Variants in DIS3L2 observed in about 807,000 individuals in gnomAD.
The protein encoded by DIS3L2 is DIS3-like exonuclease 2.
A neutral mutation model predicts 97.5 loss-of-function variants in DIS3L2; 34 were observed. That is an observed-to-expected ratio of 0.35 (90% CI 0.27 to 0.46). The LOEUF (loss-of-function observed/expected upper bound fraction) is 0.46. DIS3L2 is among the 20% of genes least tolerant of loss of function. DIS3L2 has a pLI of 1.00. For synonymous variants in DIS3L2, 435 were observed against 445.2 expected (o/e 0.98, Z 0.29); for missense variants, 1,038 against 1,146.0 (o/e 0.91, Z 1.36).
chr2:232,139,067 A>G (rs1463586311), intron 8 of DIS3L2, among the ~76,000 whole-genome samples: 1 of 152,242 alleles, frequency 6.6e-6, no homozygotes, highest in Non-Finnish European at 1.5e-5. Flanking sequence ...TGTATATATC[A>G]TAGCGATAAT....
intron 11 of DIS3L2, among the ~76,000 whole-genome samples, chr2:232,246,948 T>G (rs1693269220): frequency 5.3e-4 from 1 of 1,902 alleles, no homozygotes; most frequent in African/African-American, 4.2e-3. Flanking sequence ...TCACTAGTTT[T>G]TCCATCAGTG....
chr2:232,137,303 C>A (rs1360135087), intron 8 of DIS3L2, among the ~76,000 whole-genome samples: 1 of 152,196 alleles, frequency 6.6e-6, no homozygotes, highest in African/African-American at 2.4e-5. Flanking sequence ...ATGGCCACTT[C>A]ATTTTCATCT....
At chr2:232,142,493 T>A (rs1690088904) in intron 8 of DIS3L2, among the ~76,000 whole-genome samples, 1 of 152,178 alleles carries the variant, frequency 6.6e-6, no homozygotes, top group African/African-American at 2.4e-5. Context: ...TAGAGGACCT[T>A]AGATAACCAT....
At chr2:232,232,704 C>T (rs1008924882) in intron 10 of DIS3L2, among the ~76,000 whole-genome samples, 2 of 152,146 alleles carry the variant, frequency 1.3e-5, no homozygotes, top group African/African-American at 4.8e-5. Context: ...CGTGGGACAG[C>T]TGAGTGACAA....
At chr2:232,198,205 A>C (rs1441771231) in intron 9 of DIS3L2, among the ~76,000 whole-genome samples, 1 of 152,140 alleles carries the variant, frequency 6.6e-6, no homozygotes, top group Non-Finnish European at 1.5e-5. Context: ...CATTGTTATA[A>C]TTCTATCCCC....
chr2:232,334,913 C>T (rs1317658759), intron 19 of DIS3L2, 178 bp downstream of exon 19: 10 of 594,930 alleles, frequency 1.7e-5, no homozygotes, highest in African/African-American at 1.1e-4. Context: ...TGGCTCCAGG[C>T]CCAGGGTCAG....
rs1441475659 is a variant in DIS3L2, at chr2:232,030,035, T to TG, written c.325dup (p.Asp109GlyfsTer17). On this transcript the variant is annotated frameshift_variant, in exon 5 of 21. Coordinates refer to ENST00000325385, the MANE Select transcript of DIS3L2 (RefSeq NM_152383.5). LOFTEE classifies it high-confidence loss of function. ...TTGTTGCTCGTAATAGAGCCTTAAA[T>TG]GGGGATCTGGTGGTCGTGAAACTGC... 3 of 1,611,056 alleles carry TG rather than the reference T, an allele frequency of 1.9e-6. No individual in the cohort carries two copies. The Admixed American group carries it at 5.0e-5, about 27-fold the overall frequency.
At chr2:232,229,441 T>C (rs1692734255) in intron 10 of DIS3L2, among the ~76,000 whole-genome samples, 1 of 152,240 alleles carries the variant, frequency 6.6e-6, no homozygotes, top group African/African-American at 2.4e-5. Context: ...CCTGCTGCTC[T>C]CAGAGCTTCT....
At chr2:231,966,385 G>A (rs190684356) in intron 1 of DIS3L2, among the ~76,000 whole-genome samples, 3 of 151,980 alleles carry the variant, frequency 2.0e-5, no homozygotes, top group Admixed American at 2.0e-4. Flanking sequence ...GGCCAGGCTG[G>A]TCTCAAACTC....
chr2:232,098,607 G>T (rs992985537), intron 6 of DIS3L2, among the ~76,000 whole-genome samples: 4 of 152,112 alleles, frequency 2.6e-5, no homozygotes, highest in Non-Finnish European at 4.4e-5. Context: ...ACCTGCCTTG[G>T]CCTCCCAAAG....
chr2:232,123,475 C>T (rs1697966681), intron 6 of DIS3L2, among the ~76,000 whole-genome samples: 1 of 152,008 alleles, frequency 6.6e-6, no homozygotes, highest in Non-Finnish European at 1.5e-5. Flanking sequence ...TTACCATCTC[C>T]TTGCTTGTGC....
intron 11 of DIS3L2, among the ~76,000 whole-genome samples, chr2:232,247,328 T>A (rs973327305): frequency 9.9e-5 from 15 of 152,142 alleles, no homozygotes; most frequent in Non-Finnish European, 1.8e-4. Flanking sequence ...AACAGAGATT[T>A]ATTTTCTCCC....
At chr2:232,319,996 G>A (rs1214644320) in intron 14 of DIS3L2, among the ~76,000 whole-genome samples, 2 of 152,208 alleles carry the variant, frequency 1.3e-5, no homozygotes, top group Admixed American at 1.3e-4. Flanking sequence ...CTGTGCGAGA[G>A]CACTCAGCAG....
At chr2:232,218,950 C>A (rs909056669) in intron 10 of DIS3L2, among the ~76,000 whole-genome samples, 1 of 152,206 alleles carries the variant, frequency 6.6e-6, no homozygotes, top group South Asian at 2.1e-4. Context: ...ACCCCACTTC[C>A]CAGCGCTGCT....
chr2:232,133,163 A>G (rs1439126069), intron 7 of DIS3L2, among the ~76,000 whole-genome samples: 1 of 152,036 alleles, frequency 6.6e-6, no homozygotes, highest in Non-Finnish European at 1.5e-5. Flanking sequence ...ACAACAAGAA[A>G]CCCAAAATGG....
chr2:232,324,145 G>C (rs1314795080), intron 14 of DIS3L2, among the ~76,000 whole-genome samples: 2 of 152,174 alleles, frequency 1.3e-5, no homozygotes, highest in Non-Finnish European at 2.9e-5. Context: ...CCATGGAGAA[G>C]AGGCCATGGT....
rs1049248368 is a variant in DIS3L2 at position 232,333,713 on chromosome 2, G to GC, written c.2011-126dup. 7.3e-6 allele frequency: 10 copies of GC among 1,378,872 alleles called. No individual in the cohort carries two copies. In the African/African-American group the frequency reaches 1.3e-4, roughly 18 times the overall value. The allele number at this position is 1,378,872 out of a possible 1,614,324, so 85.4% of individuals were successfully genotyped here. On this transcript the variant is annotated intron_variant, in intron 16 of 20. Transcript: ENST00000325385. The stretch of plus-strand genomic sequence containing the variant: ...CCCCAGTCCTCCCTGGCGTCACTCA[G>GC]CAACCAGCAGCCCATTAGGTCTGTC...
At chr2:232,342,938 AAG>A (rs961100607) in intron 13 of DIS3L2, among the ~76,000 whole-genome samples, 3 of 152,000 alleles carry the variant, frequency 2.0e-5, no homozygotes, top group African/African-American at 7.2e-5. Flanking sequence ...GCACAGATCA[AAG>A]AGGTGTTCAT....
chr2:232,330,402 G>A (rs1239364472), intron 15 of DIS3L2, among the ~76,000 whole-genome samples: 3 of 152,232 alleles, frequency 2.0e-5, no homozygotes, highest in African/African-American at 7.2e-5. Flanking sequence ...GGTCCTGGAG[G>A]AGGGAGACAT....
Sources: allele counts gnomAD v4.1 joint callset (sites outside exome capture counted in the v4.1 genomes callset), GRCh38; gene constraint gnomAD v4.1.1; transcripts MANE v1.5; gene names NCBI Gene and HGNC (gene_info 2026-07-23, HGNC 2026-07-21).